UNC13C: variants seen among roughly 807,000 people sequenced by gnomAD.
UNC13C encodes unc-13 homolog C.
A neutral mutation model predicts 245.4 loss-of-function variants in UNC13C; 174 were observed. The ratio of observed to expected loss-of-function variants is 0.71; its 90% confidence interval spans 0.63 to 0.80. The LOEUF (loss-of-function observed/expected upper bound fraction) is 0.80. UNC13C is among the 30% of genes least tolerant of loss of function. The pLI, the probability that UNC13C is intolerant of heterozygous loss-of-function variation, is 0.00. For synonymous variants in UNC13C, 992 were observed against 895.1 expected, an observed-to-expected ratio of 1.11 and a Z score of -1.93; for missense variants, 2,829 against 2,602.9, an observed-to-expected ratio of 1.09 and a Z score of -1.89.
intron 19 of UNC13C, among the ~76,000 whole-genome samples, chr15:54,442,358 G>C (rs1471468061): frequency 1.3e-5 from 2 of 151,670 alleles, no homozygotes; most frequent in African/African-American, 4.8e-5. Flanking sequence ...GAATAGCTGG[G>C]ATTACAGGCA....
chr15:53,939,387 C>T, the UNC13C span, among the ~76,000 whole-genome samples: 1 of 152,108 alleles, frequency 6.6e-6, no homozygotes, highest in Non-Finnish European at 1.5e-5. Flanking sequence ...GATGGATTTA[C>T]AGCTGAATTC....
At chr15:54,504,060 G>A (rs1894356065) in intron 22 of UNC13C, among the ~76,000 whole-genome samples, 1 of 152,104 alleles carries the variant, frequency 6.6e-6, no homozygotes, top group Non-Finnish European at 1.5e-5. Flanking sequence ...ACATTCAGAA[G>A]CTATGATGAG....
chr15:54,316,290 A>G (rs945733329), intron 13 of UNC13C, among the ~76,000 whole-genome samples: 18 of 151,858 alleles, frequency 1.2e-4, no homozygotes, highest in African/African-American at 4.1e-4. Flanking sequence ...TGTTAACCTA[A>G]TATTGCTGGA....
At chr15:54,100,409 C>A (rs921549009) in intron 2 of UNC13C, among the ~76,000 whole-genome samples, 4 of 152,156 alleles carry the variant, frequency 2.6e-5, no homozygotes, top group Admixed American at 2.6e-4. Flanking sequence ...ATTTAGCTTT[C>A]CTCCTACCTC....
chr15:54,502,564 C>A (rs969413518), intron 22 of UNC13C, among the ~76,000 whole-genome samples: 3 of 152,044 alleles, frequency 2.0e-5, no homozygotes, highest in Admixed American at 2.0e-4. Flanking sequence ...TCTAAAAATT[C>A]TCTAAGTCTT....
chr15:53,905,399 T>TACACACACACACACACACACAC, the UNC13C span, among the ~76,000 whole-genome samples: 9 of 123,588 alleles, frequency 7.3e-5, no homozygotes, highest in Admixed American at 2.5e-4. Context: ...TATTACTTTA[T>TACACACACACACACACACACAC]ACACACACAC....
At chr15:54,245,806 C>A (rs758367391) in intron 7 of UNC13C, among the ~76,000 whole-genome samples, 8 of 151,774 alleles carry the variant, frequency 5.3e-5, no homozygotes, top group Non-Finnish European at 1.2e-4. Flanking sequence ...AAACAAGAAG[C>A]ATTTTTTTTT....
chr15:54,271,351 G>A (rs74013588), intron 10 of UNC13C, among the ~76,000 whole-genome samples: 3,833 of 152,248 alleles, frequency 0.025, 155 homozygotes, highest in African/African-American at 0.088. Context: ...CTTTGATACT[G>A]AATTGTATAG....
the UNC13C span, among the ~76,000 whole-genome samples, chr15:53,857,159 T>A: frequency 6.6e-6 from 1 of 152,140 alleles, no homozygotes; most frequent in Non-Finnish European, 1.5e-5. Flanking sequence ...TTTGTGCCCA[T>A]GAATCTTTTT....
At chr15:54,260,088 A>G (rs901054927) in intron 8 of UNC13C, among the ~76,000 whole-genome samples, 12 of 152,174 alleles carry the variant, frequency 7.9e-5, no homozygotes, top group Non-Finnish European at 1.6e-4. Context: ...AGTGTATGCT[A>G]GTTTCCAAAC....
chr15:54,624,652 G>C (rs1465685153), intron 32 of UNC13C, among the ~76,000 whole-genome samples: 5 of 152,128 alleles, frequency 3.3e-5, no homozygotes, highest in Non-Finnish European at 7.4e-5. Flanking sequence ...AATATGTAAA[G>C]ATCAGTTAGA....
chr15:54,277,383 T>A (rs1346373204), intron 10 of UNC13C, among the ~76,000 whole-genome samples: 1 of 152,184 alleles, frequency 6.6e-6, no homozygotes, highest in African/African-American at 2.4e-5. Flanking sequence ...GAGCTTTTAT[T>A]ATGATTAGAT....
chr15:54,247,245 C>T (rs2036015391), intron 7 of UNC13C, among the ~76,000 whole-genome samples: 2 of 152,016 alleles, frequency 1.3e-5, no homozygotes, highest in Non-Finnish European at 2.9e-5. Flanking sequence ...TTTGGGGTTT[C>T]CCCTTATTTT....
intron 8 of UNC13C, among the ~76,000 whole-genome samples, chr15:54,254,548 T>C (rs1031558817): frequency 6.6e-6 from 1 of 152,192 alleles, no homozygotes; most frequent in Non-Finnish European, 1.5e-5. Context: ...CAACTAGAAA[T>C]AACCTGTTGT....
intron 19 of UNC13C, among the ~76,000 whole-genome samples, chr15:54,493,453 A>T (rs965082845): frequency 1.3e-5 from 2 of 151,732 alleles, no homozygotes; most frequent in African/African-American, 4.8e-5. Flanking sequence ...ATCATTGTTC[A>T]GATAATTTGG....
At chr15:54,483,387 C>A (rs1457108474) in intron 19 of UNC13C, among the ~76,000 whole-genome samples, 4 of 150,310 alleles carry the variant, frequency 2.7e-5, no homozygotes, top group Non-Finnish European at 5.9e-5. Context: ...TGCATTTTAA[C>A]AAGCTCAGAC....
At chr15:54,160,840 A>G (rs2032945212) in intron 4 of UNC13C, among the ~76,000 whole-genome samples, 1 of 152,220 alleles carries the variant, frequency 6.6e-6, no homozygotes, top group Admixed American at 6.5e-5. Flanking sequence ...ATGTTCTAAT[A>G]TCTATATCTC....
At chr15:54,069,716 A>G (rs2141095028) in intron 2 of UNC13C, among the ~76,000 whole-genome samples, 1 of 152,332 alleles carries the variant, frequency 6.6e-6, no homozygotes, top group East Asian at 1.9e-4. Flanking sequence ...GTTTGAAATC[A>G]TACAAGTTAC....
intron 4 of UNC13C, among the ~76,000 whole-genome samples, chr15:54,207,588 A>G (rs2140739339): frequency 6.6e-6 from 1 of 152,236 alleles, no homozygotes; most frequent in Middle Eastern, 3.4e-3. Context: ...TACGTTAATT[A>G]TCCAGATAAC....
Sources: gnomAD v4.1 joint callset for allele counts (sites outside exome capture counted in the v4.1 genomes callset) on GRCh38, gnomAD v4.1.1 for gene constraint, MANE v1.5 for transcripts, NCBI Gene and HGNC (gene_info 2026-07-23, HGNC 2026-07-21) for gene names.